Variants in DDX60 observed in about 807,000 individuals in gnomAD.
DDX60 encodes probable ATP-dependent RNA helicase DDX60.
DDX60 carries 165 observed loss-of-function variants against 212.8 expected under a neutral mutation model. That is an observed-to-expected ratio of 0.78 (90% CI 0.68 to 0.88). DDX60 has a LOEUF of 0.88. Ranked by LOEUF, DDX60 falls within the 40% of genes least tolerant of loss-of-function variation. The probability of loss-of-function intolerance (pLI) is 0.00; values close to 1 mark genes in which losing one functional copy is unlikely to be tolerated. For missense variants in DDX60, 1,905 were observed against 2,003.9 expected (o/e 0.95, Z 0.94); for synonymous variants, 703 against 685.3 (o/e 1.03, Z -0.40).
intron 9 of DDX60, among the ~76,000 whole-genome samples, chr4:168,287,498 T>C (rs918577565): frequency 6.6e-6 from 1 of 152,238 alleles, no homozygotes; most frequent in Non-Finnish European, 1.5e-5. Context: ...AAAAATGTTA[T>C]GCCACACATA....
intron 8 of DDX60, among the ~76,000 whole-genome samples, chr4:168,288,585 C>T (rs958710649): frequency 6.6e-6 from 1 of 152,206 alleles, no homozygotes; most frequent in Non-Finnish European, 1.5e-5. Flanking sequence ...TAGTGTTTTT[C>T]TCACACTGTT....
upstream of DDX60, among the ~76,000 whole-genome samples, chr4:168,322,687 T>TTG (rs1737629860): frequency 6.6e-6 from 1 of 152,220 alleles, no homozygotes; most frequent in Non-Finnish European, 1.5e-5. Flanking sequence ...GAGGGAATGA[T>TTG]TCCCACCCTA....
At chr4:168,305,925 C>A (rs570929672) in intron 5 of DDX60, among the ~76,000 whole-genome samples, 7 of 152,026 alleles carry the variant, frequency 4.6e-5, no homozygotes, top group African/African-American at 1.7e-4. Flanking sequence ...GCAACAGGGG[C>A]GTAATTTTTG....
intron 10 of DDX60, among the ~76,000 whole-genome samples, chr4:168,285,896 AAAGGAAGGAAGGAAGGAAGGAAGGAAGG>A (rs368802134): frequency 4.4e-5 from 5 of 114,646 alleles, no homozygotes; most frequent in African/African-American, 1.1e-4. Flanking sequence ...AGGAGGGAAG[AAAGGAAGGAAGGAAGGAAGGAAGGAAGG>A]AAGGAAGGAA....
chr4:168,246,125 T>A (rs940096811), intron 30 of DDX60, among the ~76,000 whole-genome samples: 1 of 152,160 alleles, frequency 6.6e-6, no homozygotes, highest in Non-Finnish European at 1.5e-5. Context: ...GCTTTTTAAA[T>A]CCATAGCCAG....
At chr4:168,219,862 C>T (rs2149489248) in intron 37 of DDX60, among the ~76,000 whole-genome samples, 1 of 151,994 alleles carries the variant, frequency 6.6e-6, no homozygotes, top group South Asian at 2.1e-4. Flanking sequence ...CATGGAGAAA[C>T]CCCCTCGCTA....
At chr4:168,275,661 G>A (rs930411049) in intron 15 of DDX60, among the ~76,000 whole-genome samples, 158 bp from the exon 16 acceptor site, 2 of 152,060 alleles carry the variant, frequency 1.3e-5, no homozygotes, top group African/African-American at 4.8e-5. Context: ...GGTAAAATTA[G>A]TAGACATCAA....
chr4:168,242,643 C>T (rs1202202287), intron 30 of DDX60, among the ~76,000 whole-genome samples: 2 of 152,198 alleles, frequency 1.3e-5, no homozygotes, highest in Admixed American at 6.5e-5. Flanking sequence ...CCTGTACCCC[C>T]ACTATATCTA....
At chr4:168,313,421 C>A (rs1435987722) in intron 1 of DDX60, among the ~76,000 whole-genome samples, 3 of 152,212 alleles carry the variant, frequency 2.0e-5, no homozygotes, top group Non-Finnish European at 2.9e-5. Context: ...AGGTTAGAAC[C>A]AGACTATAAT....
rs1009588518 is a variant in DDX60, at chr4:168,249,683, G to A, written c.3858+1271C>T. ...ACACAGAATACCCTGATCAAAATAG[G>A]TGTTTCTCTCTTCTATCAATTCATA... On this transcript the variant is annotated intron_variant, in intron 28 of 37. Coordinates refer to ENST00000393743, the MANE Select transcript of DDX60 (RefSeq NM_017631.6). Among the ~76,000 whole-genome samples, 6 of 152,226 alleles carry A rather than the reference G, an allele frequency of 3.9e-5. No homozygotes were observed. The East Asian group carries it at 7.7e-4, about 20-fold the overall frequency.
intron 19 of DDX60, among the ~76,000 whole-genome samples, chr4:168,271,491 T>C (rs1041675043): frequency 1.3e-5 from 2 of 152,206 alleles, no homozygotes; most frequent in Non-Finnish European, 2.9e-5. Flanking sequence ...GGAATCTCCT[T>C]TTGAGTTTCC....
chr4:168,235,224 T>C (rs1733590765), intron 33 of DDX60, among the ~76,000 whole-genome samples: 1 of 152,018 alleles, frequency 6.6e-6, no homozygotes, highest in African/African-American at 2.4e-5. Context: ...CAGGCTGGTC[T>C]CAAACTCCTG....
intron 19 of DDX60, among the ~76,000 whole-genome samples, chr4:168,270,208 C>A (rs1048206182): frequency 2.0e-5 from 3 of 152,228 alleles, no homozygotes; most frequent in African/African-American, 7.2e-5. Context: ...CCTTAAATAT[C>A]TGCTGAGTAA....
At chr4:168,250,829 T>G (rs1008323062) in intron 28 of DDX60, 125 bp downstream of exon 28, 1 of 836,578 alleles carries the variant, frequency 1.2e-6, no homozygotes, top group Non-Finnish European at 1.8e-6. Context: ...CCGGCCAACT[T>G]ATTTTTTTAA....
intron 1 of DDX60, among the ~76,000 whole-genome samples, chr4:168,312,928 C>T (rs1055609014): frequency 2.0e-5 from 3 of 152,042 alleles, no homozygotes; most frequent in Admixed American, 6.5e-5. Flanking sequence ...AATGGAGACA[C>T]GAGCGTAAGT....
At chr4:168,238,468 GGAAGGGAAGGGAAGGGGA>G (rs1733720641) in intron 30 of DDX60, among the ~76,000 whole-genome samples, 1 of 142,820 alleles carries the variant, frequency 7.0e-6, no homozygotes, top group Non-Finnish European at 1.5e-5. Flanking sequence ...GGAAGGGAAG[GGAAGGGAAGGGAAGGGGA>G]GAAAGGAAGA....
At chr4:168,233,825 C>G (rs1331109435) in intron 33 of DDX60, among the ~76,000 whole-genome samples, 2 of 151,880 alleles carry the variant, frequency 1.3e-5, no homozygotes, top group East Asian at 3.9e-4. Flanking sequence ...TACATGTAAC[C>G]AAACACCAAC....
chr4:168,318,913 AG>A (rs1737531882), upstream of DDX60: 1 of 152,234 alleles, frequency 6.6e-6, no homozygotes. Flanking sequence ...AATCTTAAGA[AG>A]GGGAGCATGG....
Position 168,262,725 on chromosome 4 carries a change from A to C in DDX60, c.3102T>G (p.Tyr1034Ter). ...TLSPRESIQL[Y>*]DAMFQIWKSW... ...TTTTCCAAATTTGAAACATGGCATCATACAGCTGGATGCTTTCTCGAGGTG... is the reference window on the plus strand; with the variant it reads ...TTTTCCAAATTTGAAACATGGCATCCTACAGCTGGATGCTTTCTCGAGGTG... The change falls in exon 23 of 38, where the codon TAT (tyrosine) becomes TAG (stop). Residue 1034 changes from tyrosine (Y) to a stop codon, truncating the protein, a stop_gained. Transcript: ENST00000393743. LOFTEE classifies it high-confidence loss of function. 6.2e-7 allele frequency: 1 copy of C among 1,612,778 alleles called. No homozygotes were observed. The highest frequency in any genetic ancestry group is 8.5e-7 in the Non-Finnish European group (1 of 1,179,232).
Sources: allele counts gnomAD v4.1 joint callset (sites outside exome capture counted in the v4.1 genomes callset), GRCh38; gene constraint gnomAD v4.1.1; transcripts MANE v1.5; gene names NCBI Gene and HGNC (gene_info 2026-07-23, HGNC 2026-07-21).